The following NBEA variants were observed in gnomAD, a reference collection of about 807,000 sequenced individuals.
The protein encoded by NBEA is lysosomal-trafficking regulator 2.
In NBEA, 44 loss-of-function variants were observed where a neutral mutation model predicts 343.4. The ratio of observed to expected loss-of-function variants is 0.13; its 90% CI spans 0.10 to 0.16. The LOEUF is 0.16. Among genes scored for constraint, NBEA ranks in the 10% least tolerant of loss-of-function variants. NBEA has a pLI of 1.00. For synonymous variants in NBEA, 1,175 were observed against 1,238.7 expected, an observed-to-expected ratio of 0.95 and a Z score of 1.08; for missense variants, 2,555 against 3,631.3, an observed-to-expected ratio of 0.70 and a Z score of 7.62.
rs1270333910 is a variant in NBEA at position 35,140,177 on chromosome 13, AT to A, written c.2337-2077del. Reference sequence around the variant, plus strand: ...AGGAGCCTGCCACTATGCCCAGCTAATTTTTTTTTTTTTTTAAGTAGAGATG... The same window carrying A: ...AGGAGCCTGCCACTATGCCCAGCTAATTTTTTTTTTTTTTAAGTAGAGATG... On this transcript the variant is annotated intron_variant, in intron 17 of 58. Transcript: ENST00000379939. Among the ~76,000 whole-genome samples, 1,004 of 143,230 alleles carry A rather than the reference AT, an allele frequency of 7.0e-3. 2 individuals are homozygous for A. The highest frequency in any genetic ancestry group is 0.01 in the Non-Finnish European group (681 of 64,886). 94.0% of individuals were successfully genotyped at this position (143,230 alleles called of 152,430 possible).
chr13:35,058,316 C>G (rs1266539147), intron 7 of NBEA, among the ~76,000 whole-genome samples: 1 of 152,090 alleles, frequency 6.6e-6, no homozygotes. Flanking sequence ...CCTATGTGTT[C>G]ATGATTAAAT....
chr13:35,059,593 AG>A (rs2063389933), intron 8 of NBEA, among the ~76,000 whole-genome samples: 1 of 151,882 alleles, frequency 6.6e-6, no homozygotes, highest in Admixed American at 6.6e-5. Context: ...ATTCTGAAGG[AG>A]TACTTGTCTT....
intron 44 of NBEA, 148 bp downstream of exon 44, chr13:35,555,250 A>G: frequency 2.0e-6 from 1 of 510,156 alleles, no homozygotes. Flanking sequence ...TTTATCAGAA[A>G]CTGTGCAAGC....
intron 48 of NBEA, among the ~76,000 whole-genome samples, chr13:35,615,287 CAAAAAA>C (rs35687768): frequency 5.1e-5 from 6 of 116,842 alleles, no homozygotes; most frequent in Non-Finnish European, 7.2e-5. Context: ...GACCCTGTCT[CAAAAAA>C]AAAAAAAAAA....
chr13:35,502,652 A>G (rs1339271094), intron 41 of NBEA, among the ~76,000 whole-genome samples: 1 of 152,026 alleles, frequency 6.6e-6, no homozygotes, highest in East Asian at 1.9e-4. Flanking sequence ...CAGTGACCTC[A>G]CTATGGTAGC....
At chr13:35,216,827 T>C (rs1341760204) in intron 33 of NBEA, among the ~76,000 whole-genome samples, 6 of 151,984 alleles carry the variant, frequency 3.9e-5, no homozygotes, top group Non-Finnish European at 5.9e-5. Flanking sequence ...TTAAGTTTTT[T>C]TCCAGTTTGG....
Position 35,148,027 on chromosome 13 carries a change from C to G in NBEA, c.2445+5650C>G, listed in dbSNP as rs563646626. On this transcript the variant is annotated intron_variant, in intron 18 of 58. Transcript: ENST00000379939. Reference sequence around the variant, plus strand: ...TTGGGACAACCAACTGCCAGTGATTCTAAAATGAGGCTGATGATGCTCCAG... The same window carrying G: ...TTGGGACAACCAACTGCCAGTGATTGTAAAATGAGGCTGATGATGCTCCAG... Among the ~76,000 whole-genome samples the G allele has an allele frequency of 4.6e-5, 7 of 152,262 alleles. No individual in the cohort carries two copies. The South Asian group carries it at 1.2e-3, about 27-fold the overall frequency.
At chr13:35,180,874 C>G (rs2071270219) in intron 28 of NBEA, among the ~76,000 whole-genome samples, 1 of 151,660 alleles carries the variant, frequency 6.6e-6, no homozygotes, top group African/African-American at 2.4e-5. Context: ...CATTCTTATG[C>G]CTTTGCATCA....
intron 41 of NBEA, among the ~76,000 whole-genome samples, chr13:35,479,041 C>A (rs780511115): frequency 6.6e-6 from 1 of 152,224 alleles, no homozygotes; most frequent in Non-Finnish European, 1.5e-5. Flanking sequence ...GCACTTTGTG[C>A]AAACTAATTG....
At chr13:35,444,273 C>T (rs572856565) in intron 39 of NBEA, among the ~76,000 whole-genome samples, 10 of 152,012 alleles carry the variant, frequency 6.6e-5, no homozygotes, top group Admixed American at 6.6e-4. Flanking sequence ...GTATATTTAT[C>T]TTAAATCTTT....
chr13:34,973,493 G>A (rs923312630), intron 1 of NBEA, among the ~76,000 whole-genome samples: 3 of 152,038 alleles, frequency 2.0e-5, no homozygotes, highest in African/African-American at 4.8e-5. Flanking sequence ...GAGAACATTC[G>A]CCAGGGTGTC....
At chr13:35,069,764 C>T in intron 8 of NBEA, 144 bp from the exon 9 acceptor site, 1 of 439,798 alleles carries the variant, frequency 2.3e-6, no homozygotes, top group Non-Finnish European at 4.0e-6. Flanking sequence ...GTGACAATAA[C>T]AAAGTAAGTA....
intron 17 of NBEA, among the ~76,000 whole-genome samples, chr13:35,139,139 C>G (rs2067925733): frequency 7.0e-6 from 1 of 142,018 alleles, no homozygotes. Flanking sequence ...CAGCTCACTG[C>G]AACCTCCGCC....
At chr13:35,043,464 T>C (rs895017016) in intron 2 of NBEA, among the ~76,000 whole-genome samples, 3 of 151,914 alleles carry the variant, frequency 2.0e-5, no homozygotes, top group Non-Finnish European at 4.4e-5. Flanking sequence ...ATACTTCATA[T>C]TATAGCAACA....
At chr13:35,557,715 G>A (rs558998168) in intron 44 of NBEA, among the ~76,000 whole-genome samples, 1 of 152,230 alleles carries the variant, frequency 6.6e-6, no homozygotes, top group Admixed American at 6.5e-5. Flanking sequence ...CAGTCTAGAT[G>A]AATAAGTGAA....
chr13:35,013,940 A>G (rs1264887570), intron 1 of NBEA, among the ~76,000 whole-genome samples: 1 of 151,746 alleles, frequency 6.6e-6, no homozygotes, highest in African/African-American at 2.4e-5. Flanking sequence ...TAACATGTAT[A>G]ATTTCTTTTT....
intron 44 of NBEA, among the ~76,000 whole-genome samples, chr13:35,555,707 CTTAAG>C (rs1385486377): frequency 2.6e-5 from 4 of 152,000 alleles, no homozygotes; most frequent in Non-Finnish European, 4.4e-5. Flanking sequence ...CATCTTTTTT[CTTAAG>C]TTAAGCTCCA....
At chr13:35,496,443 T>C (rs1238511161) in intron 41 of NBEA, among the ~76,000 whole-genome samples, 1 of 151,886 alleles carries the variant, frequency 6.6e-6, no homozygotes, top group Non-Finnish European at 1.5e-5. Flanking sequence ...GAGACCCGCC[T>C]GAGCAACATG....
intron 48 of NBEA, among the ~76,000 whole-genome samples, chr13:35,626,733 A>G (rs901369089): frequency 6.6e-6 from 1 of 152,214 alleles, no homozygotes; most frequent in Non-Finnish European, 1.5e-5. Context: ...CAAATTGACC[A>G]AACTAATATA....
Sources: allele counts gnomAD v4.1 joint callset (sites outside exome capture counted in the v4.1 genomes callset), GRCh38; gene constraint gnomAD v4.1.1; transcripts MANE v1.5; gene names NCBI Gene and HGNC (gene_info 2026-07-23, HGNC 2026-07-21).